The following LEMD3 variants were observed in gnomAD, a reference collection of about 807,000 sequenced individuals.
LEMD3 encodes the protein LEM domain containing 3.
A neutral mutation model predicts 95.2 loss-of-function variants in LEMD3; 33 were observed. The ratio of observed to expected loss-of-function variants is 0.35; its 90% CI spans 0.26 to 0.46. The LOEUF is 0.46. LEMD3 is among the 20% of genes least tolerant of loss of function. LEMD3 has a pLI of 1.00. For missense variants in LEMD3, 1,210 were observed against 1,192.8 expected (o/e 1.01, Z -0.21); for synonymous variants, 525 against 474.6 (o/e 1.11, Z -1.38).
chr12:65,171,994 A>G (rs1868565526), intron 1 of LEMD3: 1 of 152,204 alleles, frequency 6.6e-6, no homozygotes, highest in Non-Finnish European at 1.5e-5. Context: ...GATTGAACGG[A>G]GGAGGTACTA....
intron 2 of LEMD3, among the ~76,000 whole-genome samples, chr12:65,211,806 A>G (rs931140675): frequency 6.6e-6 from 1 of 152,244 alleles, no homozygotes; most frequent in Admixed American, 6.5e-5. Flanking sequence ...TTGGTACAGT[A>G]TACTTACTGA....
At chr12:65,233,204 C>T (rs901731482) in intron 4 of LEMD3, among the ~76,000 whole-genome samples, 1 of 152,104 alleles carries the variant, frequency 6.6e-6, no homozygotes, top group Non-Finnish European at 1.5e-5. Context: ...GGAATAGAAC[C>T]AAAGTACTTG....
chr12:65,178,133 A>G (rs1031370332), intron 1 of LEMD3, among the ~76,000 whole-genome samples: 3 of 152,004 alleles, frequency 2.0e-5, no homozygotes, highest in African/African-American at 7.3e-5. Context: ...GGTGTCAGCC[A>G]TAGCAGCCGG....
At chr12:65,200,279 AGT>A (rs1307507437) in intron 1 of LEMD3, among the ~76,000 whole-genome samples, 1 of 152,108 alleles carries the variant, frequency 6.6e-6, no homozygotes, top group Non-Finnish European at 1.5e-5. Flanking sequence ...GGAAACCTTT[AGT>A]GGGTATTTAC....
Position 65,170,826 on chromosome 12 carries a change from C to A in LEMD3, c.1230C>A (p.Leu410=). Residue 410 remains leucine, a synonymous_variant, in exon 1 of 13, where the codon CTC becomes CTA. Transcript: ENST00000308330. ...CCCCCAGGATTTATTCTAACAGTCT[C>A]CCTCCCAGTGCGGCGGTGGCCGCCT... ...VDSPRIYSNS[L]PPSAAVAASS... 6.2e-7 allele frequency: 1 copy of A among 1,614,230 alleles called. No individual in the cohort carries two copies. Among genetic ancestry groups the A allele is most frequent in the Non-Finnish European group, 8.5e-7 (1 of 1,180,042 alleles).
intron 1 of LEMD3, among the ~76,000 whole-genome samples, chr12:65,193,732 C>CTGTGTGTGTGTGTGTGTGTGTGTG (rs746675293): frequency 3.7e-4 from 48 of 129,434 alleles, no homozygotes; most frequent in East Asian, 1.4e-3. Context: ...ACATAACTGG[C>CTGTGTGTGTGTGTGTGTGTGTGTG]TGTGTGTGTG....
At chr12:65,193,688 A>T (rs892516559) in intron 1 of LEMD3, among the ~76,000 whole-genome samples, 9 of 150,808 alleles carry the variant, frequency 6.0e-5, no homozygotes, top group Non-Finnish European at 1.2e-4. Flanking sequence ...AGAGACAGTT[A>T]ACAACTGCCT....
chr12:65,169,852 G>A lies in LEMD3; in HGVS notation c.256G>A (p.Ala86Thr). 6.8e-7 allele frequency: 1 copy of A among 1,463,274 alleles called. No homozygotes were observed. Among genetic ancestry groups the A allele is most frequent in the Non-Finnish European group, 9.0e-7 (1 of 1,106,418 alleles). 90.6% of individuals were successfully genotyped at this position (1,463,274 alleles called of 1,614,324 possible). ...VAAAGPAAAA[A>T]AGMGVRPVSG... ...AGCCGCGGGACCAGCGGCGGCGGCG[G>A]CCGCGGGGATGGGGGTCCGGCCGGT... Residue 86 changes from alanine (A) to threonine (T), a missense_variant, in exon 1 of 13, where the codon GCC becomes ACC. Ala to Thr is a moderately conservative substitution (Grantham distance 58). Transcript: ENST00000308330.
intron 8 of LEMD3, chr12:65,240,619 A>G (rs1353224876): frequency 7.0e-6 from 3 of 426,676 alleles, no homozygotes; most frequent in African/African-American, 2.0e-5. Context: ...CTAAAATGCA[A>G]CTTTTTGAAA....
chr12:65,240,577 CTT>C (rs1332849067), intron 8 of LEMD3: 2 of 406,812 alleles, frequency 4.9e-6, no homozygotes, highest in Non-Finnish European at 8.8e-6. Flanking sequence ...TAAGTACTAA[CTT>C]TATTATTAAT....
chr12:65,202,470 T>G (rs1461327561), intron 1 of LEMD3, among the ~76,000 whole-genome samples: 2 of 152,174 alleles, frequency 1.3e-5, no homozygotes, highest in Admixed American at 6.5e-5. Flanking sequence ...ATACTGTTCT[T>G]GTTATACTAT....
rs1868536277 is a variant in LEMD3, at chr12:65,171,117, C to T, written c.1521C>T (p.Ser507=). ...GAGTATCTGAGGATGGAGAACTCAG[C>T]AGTAAGTATTAAATCCTGTGGGTAA... ...GTGVSEDGEL[S]IENPFGETFG... The change falls in exon 1 of 13, where the codon AGC becomes AGT. Residue 507 remains serine, a splice_region_variant and synonymous_variant. Transcript: ENST00000308330. 1 of 1,610,120 alleles carries T rather than the reference C, an allele frequency of 6.2e-7. No individual in the cohort carries two copies. The highest frequency in any genetic ancestry group is 1.1e-5 in the South Asian group (1 of 91,062).
At chr12:65,219,275 A>G (rs1201922822) in intron 4 of LEMD3, among the ~76,000 whole-genome samples, 2 of 152,218 alleles carry the variant, frequency 1.3e-5, no homozygotes, top group East Asian at 3.8e-4. Flanking sequence ...AAATACTAAG[A>G]GAACTTGCTG....
At chr12:65,220,019 A>G (rs995860115) in intron 4 of LEMD3, among the ~76,000 whole-genome samples, 5 of 152,218 alleles carry the variant, frequency 3.3e-5, no homozygotes, top group Non-Finnish European at 7.3e-5. Context: ...TGGCAATGCA[A>G]GTACTTCTTT....
Position 65,237,319 on chromosome 12 carries a change from T to C in LEMD3, c.1696-1183T>C, listed in dbSNP as rs78438618. ...TGCTTCTTTATTCAATCTGTCATGA[T>C]GTTTTAGTTGAAGTATGTCATGAAA... On this transcript the variant is annotated intron_variant, in intron 4 of 12. Coordinates refer to ENST00000308330, the MANE Select transcript of LEMD3 (RefSeq NM_014319.5). Among the ~76,000 whole-genome samples, 936 of 152,294 alleles carry C rather than the reference T, an allele frequency of 6.1e-3. 39 individuals are homozygous for C. In the East Asian group the frequency reaches 0.093, roughly 15 times the overall value.
At position 65,241,040 on chromosome 12, in the gene LEMD3, C is replaced by G. The variant is rs577090853; in HGVS notation, c.2258C>G (p.Ser753Cys). 7 of 1,613,860 alleles carry G rather than the reference C, an allele frequency of 4.3e-6. No individual in the cohort carries two copies. Among genetic ancestry groups the G allele is most frequent in the Non-Finnish European group, 5.1e-6 (6 of 1,179,942 alleles). The part of the protein sequence containing the change: ...LVWRWIQPSA[S>C]CDKILVIPSK... ...TGGCGGTGGATCCAGCCTTCTGCAT[C>G]CTGTGACAAAATATTAGTTATACCT... The change falls in exon 9 of 13, where the codon TCC (serine) becomes TGC (cysteine). Residue 753 changes from serine (S) to cysteine (C), a missense_variant. Ser to Cys is a moderately radical substitution (Grantham distance 112). Around this residue, in one of 2 missense-constraint regions of LEMD3, gnomAD observed 461 missense variants for 569.8 expected, o/e 0.81. Coordinates refer to ENST00000308330, the MANE Select transcript of LEMD3 (RefSeq NM_014319.5).
At chr12:65,182,552 G>C (rs1309526696) in intron 1 of LEMD3, among the ~76,000 whole-genome samples, 4 of 152,100 alleles carry the variant, frequency 2.6e-5, no homozygotes, top group African/African-American at 7.2e-5. Context: ...GCAGATAAAA[G>C]GGAGTTATCT....
intron 4 of LEMD3, among the ~76,000 whole-genome samples, chr12:65,226,765 C>T (rs991685023): frequency 6.6e-6 from 1 of 152,144 alleles, no homozygotes; most frequent in Non-Finnish European, 1.5e-5. Flanking sequence ...GAATGTGGGA[C>T]TGCCGTTAAT....
chr12:65,239,649 G>GA (rs1245259118), intron 6 of LEMD3, among the ~76,000 whole-genome samples: 2 of 152,052 alleles, frequency 1.3e-5, no homozygotes, highest in East Asian at 1.9e-4. Flanking sequence ...TGCTTCAAAG[G>GA]AAAAAAGTTT....
Sources: gnomAD v4.1 joint callset for allele counts (sites outside exome capture counted in the v4.1 genomes callset) on GRCh38, gnomAD v4.1.1 for gene constraint, gnomAD v4.1.1 regional missense constraint, MANE v1.5 for transcripts, NCBI Gene and HGNC (gene_info 2026-07-23, HGNC 2026-07-21) for gene names.